The following N4BP2 variants were observed in gnomAD, a reference collection of about 807,000 sequenced individuals.
The protein encoded by N4BP2 is NEDD4 binding protein 2.
N4BP2 carries 91 observed loss-of-function variants against 152.8 expected under a neutral mutation model. The ratio of observed to expected loss-of-function variants is 0.60; its 90% confidence interval spans 0.50 to 0.71. The LOEUF is 0.71. N4BP2 is among the 30% of genes least tolerant of loss of function. N4BP2 has a pLI of 0.00. For missense variants in N4BP2, 1,923 were observed against 2,059.1 expected, an observed-to-expected ratio of 0.93 and a Z score of 1.28; for synonymous variants, 646 against 705.3, an observed-to-expected ratio of 0.92 and a Z score of 1.33.
intron 3 of N4BP2, chr4:40,100,202 T>G: frequency 2.4e-6 from 1 of 408,828 alleles, no homozygotes; most frequent in Non-Finnish European, 5.0e-6. Context: ...GAAAGTGTCA[T>G]AGCCAGCAGT....
At chr4:40,172,892 A>G in the N4BP2 span, among the ~76,000 whole-genome samples, 1 of 152,318 alleles carries the variant, frequency 6.6e-6, no homozygotes, top group Non-Finnish European at 1.5e-5. Flanking sequence ...ACTGTTTGTT[A>G]AATAAACAAA....
At chr4:40,081,243 A>T (rs564126858) in intron 2 of N4BP2, among the ~76,000 whole-genome samples, 2 of 152,268 alleles carry the variant, frequency 1.3e-5, no homozygotes, top group African/African-American at 4.8e-5. Flanking sequence ...TGATTCTATT[A>T]TCCAGAGATT....
At position 40,102,368 on chromosome 4, in the gene N4BP2, G is replaced by A. The variant is rs757456238; in HGVS notation, c.523G>A (p.Asp175Asn). The A allele has an allele frequency of 5.0e-6, 8 of 1,612,880 alleles. No individual in the cohort carries two copies. In the South Asian group the frequency reaches 8.8e-5, roughly 18 times the overall value. Residue 175 changes from aspartate (D) to asparagine (N), a missense_variant, in exon 4 of 18, where the codon GAC becomes AAC. Physicochemically the swap from Asp to Asn is conservative, Grantham distance 23. Coordinates refer to ENST00000261435, the MANE Select transcript of N4BP2 (RefSeq NM_018177.6). ...TTCACAAGATGTTAATAGTTTTAATGACTCAAGTGAGTTTATAAATCCTGA... is the reference window on the plus strand; with the variant it reads ...TTCACAAGATGTTAATAGTTTTAATAACTCAAGTGAGTTTATAAATCCTGA... ...LPSQDVNSFN[D>N]SSEFINPDSS...
the N4BP2 span, among the ~76,000 whole-genome samples, chr4:40,173,119 C>G: frequency 1.3e-5 from 2 of 152,090 alleles, no homozygotes; most frequent in African/African-American, 4.8e-5. Context: ...CTATCACCAT[C>G]AGTAGAGGAC....
intron 9 of N4BP2, among the ~76,000 whole-genome samples, 197 bp downstream of exon 9, chr4:40,122,506 T>A (rs1718034974): frequency 6.6e-6 from 1 of 152,192 alleles, no homozygotes; most frequent in Non-Finnish European, 1.5e-5. Flanking sequence ...CCAGAGTAGC[T>A]GGGATTATAG....
chr4:40,086,123 C>A (rs974014484), intron 2 of N4BP2, among the ~76,000 whole-genome samples: 1 of 109,312 alleles, frequency 9.1e-6, no homozygotes, highest in African/African-American at 3.2e-5. Flanking sequence ...TGCCAACATG[C>A]CCGGCTAATT....
chr4:40,102,643 G>A lies in N4BP2; in HGVS notation c.798G>A (p.Gln266=), dbSNP rs1715791835. The A allele has an allele frequency of 1.2e-6, 2 of 1,614,166 alleles. No individual in the cohort carries two copies. The highest frequency in any genetic ancestry group is 4.5e-5 in the East Asian group (2 of 44,896). ...IAGCSSLNQK[Q]KELLESECVE... ...GTTGTAGCAGTCTCAATCAAAAACA[G>A]AAAGAACTTTTAGAATCTGAGTGCG... Residue 266 remains glutamine (Q), a synonymous_variant, in exon 4 of 18, where the codon CAG becomes CAA. Coordinates refer to ENST00000261435, the MANE Select transcript of N4BP2 (RefSeq NM_018177.6).
downstream of N4BP2, among the ~76,000 whole-genome samples, chr4:40,160,846 G>A (rs1447589603): frequency 6.6e-6 from 1 of 152,186 alleles, no homozygotes; most frequent in African/African-American, 2.4e-5. Context: ...CCTGACTCAT[G>A]TTAAGTTTTA....
At chr4:40,129,104 C>T (rs546465878) in intron 12 of N4BP2, among the ~76,000 whole-genome samples, 9 of 152,214 alleles carry the variant, frequency 5.9e-5, no homozygotes, top group African/African-American at 1.7e-4. Flanking sequence ...GGCTGGAGTG[C>T]GGTGGCACCA....
downstream of N4BP2, among the ~76,000 whole-genome samples, chr4:40,162,055 G>A (rs1243196971): frequency 6.6e-6 from 1 of 152,234 alleles, no homozygotes; most frequent in Non-Finnish European, 1.5e-5. Flanking sequence ...AGCCGTACCA[G>A]TGGATAGATG....
intron 14 of N4BP2, among the ~76,000 whole-genome samples, chr4:40,141,833 C>T (rs1201912210): frequency 6.6e-6 from 1 of 152,224 alleles, no homozygotes; most frequent in Non-Finnish European, 1.5e-5. Context: ...CATCTGCAAT[C>T]CCGGCACCTC....
In N4BP2 at chr4:40,120,660, A is replaced by G. The variant is rs758185459; in HGVS notation, c.2549A>G (p.Asp850Gly). 1.9e-6 allele frequency: 3 copies of G among 1,614,148 alleles called. No individual in the cohort carries two copies. In the Admixed American group the frequency reaches 5.0e-5, roughly 27 times the overall value. Reference sequence around the variant, plus strand: ...GGATCTCCACATGAAAGTGTAGAGGATGGCAGAAAGTCACAGTGTGATGAT... The same window carrying G: ...GGATCTCCACATGAAAGTGTAGAGGGTGGCAGAAAGTCACAGTGTGATGAT... ...QRGSPHESVE[D>G]GRKSQCDDAS... The change falls in exon 9 of 18, where the codon GAT (aspartate) becomes GGT (glycine). Residue 850 changes from aspartate (D) to glycine (G), a missense_variant. Transcript: ENST00000261435.
the N4BP2 span, among the ~76,000 whole-genome samples, chr4:40,177,477 A>G: frequency 1.3e-5 from 2 of 152,096 alleles, no homozygotes; most frequent in Non-Finnish European, 2.9e-5. Flanking sequence ...TTAGCTGCGC[A>G]TGGTGGCAGG....
intron 1 of N4BP2, among the ~76,000 whole-genome samples, chr4:40,069,714 T>C (rs1193798658): frequency 3.3e-5 from 5 of 152,080 alleles, no homozygotes; most frequent in Admixed American, 2.6e-4. Context: ...TGGAGACCAG[T>C]GTGGGCAGCA....
intron 2 of N4BP2, among the ~76,000 whole-genome samples, chr4:40,076,901 G>A (rs1712799414): frequency 1.3e-5 from 2 of 152,160 alleles, no homozygotes; most frequent in South Asian, 4.1e-4. Context: ...TAATCCTTGG[G>A]AAAGACATTG....
chr4:40,125,835 C>T (rs1477989699), intron 11 of N4BP2, among the ~76,000 whole-genome samples: 2 of 148,518 alleles, frequency 1.3e-5, no homozygotes, highest in African/African-American at 5.0e-5. Context: ...TGCAGTGAGC[C>T]GAGACTGCGC....
intron 1 of N4BP2, among the ~76,000 whole-genome samples, chr4:40,057,719 T>G (rs1373371639): frequency 6.6e-6 from 1 of 152,046 alleles, no homozygotes; most frequent in East Asian, 1.9e-4. Flanking sequence ...CTCAATAGAG[T>G]GAGTCATCTT....
In N4BP2 at chr4:40,155,223, C is replaced by A; in HGVS notation, c.*986C>A. On this transcript the variant is annotated 3_prime_UTR_variant, in exon 18 of 18. Coordinates refer to ENST00000261435, the MANE Select transcript of N4BP2 (RefSeq NM_018177.6). Reference sequence around the variant, plus strand: ...CCTGGCCAACATGGTGAATCCCCGTCTCTATTAAAAATACAAAAATTAGCT... The same window carrying A: ...CCTGGCCAACATGGTGAATCCCCGTATCTATTAAAAATACAAAAATTAGCT... The A allele has an allele frequency of 6.6e-6, 1 of 152,142 alleles. No homozygotes were observed. Among genetic ancestry groups the A allele is most frequent in the Non-Finnish European group, 1.5e-5 (1 of 68,048 alleles). The allele number at this position is 152,142 out of a possible 1,614,324, so 9.4% of individuals were successfully genotyped here.
At chr4:40,067,054 CTTTTTTTT>C (rs34768159) in intron 1 of N4BP2, among the ~76,000 whole-genome samples, 1 of 91,616 alleles carries the variant, frequency 1.1e-5, no homozygotes, top group African/African-American at 4.2e-5. Context: ...ACCTAATTTC[CTTTTTTTT>C]TTTTTTTTTT....
Sources: gnomAD v4.1 joint callset for allele counts (sites outside exome capture counted in the v4.1 genomes callset) on GRCh38, gnomAD v4.1.1 for gene constraint, MANE v1.5 for transcripts, NCBI Gene and HGNC (gene_info 2026-07-23, HGNC 2026-07-21) for gene names.